TMEM135: variants seen among roughly 807,000 people sequenced by gnomAD.
TMEM135 encodes transmembrane protein 135, also known as peroxisomal membrane protein 52.
Under a neutral mutation model 60.3 loss-of-function variants are expected in TMEM135, and 30 were observed. The ratio of observed to expected loss-of-function variants is 0.50; its 90% CI spans 0.37 to 0.68. The LOEUF is 0.68. Ranked by LOEUF, TMEM135 falls within the 30% of genes least tolerant of loss-of-function variation. The pLI is 0.00. For missense variants in TMEM135, 468 were observed against 548.8 expected (o/e 0.85, Z 1.47); for synonymous variants, 190 against 186.7 (o/e 1.02, Z -0.14).
intron 5 of TMEM135, among the ~76,000 whole-genome samples, chr11:87,207,974 T>C (rs1940276018): frequency 6.6e-6 from 1 of 152,134 alleles, no homozygotes; most frequent in South Asian, 2.1e-4. Flanking sequence ...AGCTCAGCCT[T>C]GCCCCCTAAA....
chr11:87,202,988 A>C (rs1228571021), intron 5 of TMEM135, among the ~76,000 whole-genome samples: 1 of 141,512 alleles, frequency 7.1e-6, no homozygotes, highest in Non-Finnish European at 1.5e-5. Flanking sequence ...AGCCGAGATC[A>C]TGCCACTGCA....
intron 5 of TMEM135, among the ~76,000 whole-genome samples, chr11:87,205,242 T>C (rs1040778389): frequency 6.6e-6 from 1 of 152,178 alleles, no homozygotes; most frequent in Non-Finnish European, 1.5e-5. Flanking sequence ...GATTGAAACA[T>C]ACGGTTGTTT....
At chr11:87,066,973 G>T (rs1279606147) in intron 1 of TMEM135, among the ~76,000 whole-genome samples, 1 of 151,090 alleles carries the variant, frequency 6.6e-6, no homozygotes, top group Admixed American at 6.6e-5. Context: ...GGAGAGACAA[G>T]GTTTCACCAT....
chr11:87,157,945 A>G (rs1938746638), intron 5 of TMEM135: 1 of 152,888 alleles, frequency 6.5e-6, no homozygotes, highest in South Asian at 2.1e-4. Context: ...TTTCATGTTA[A>G]AATTATTACC....
chr11:87,113,896 A>G (rs1297786855), intron 4 of TMEM135, among the ~76,000 whole-genome samples: 1 of 152,104 alleles, frequency 6.6e-6, no homozygotes, highest in Non-Finnish European at 1.5e-5. Context: ...TGTGAAAAAT[A>G]ATACATATAA....
At chr11:87,213,804 G>T (rs1293569913) in intron 5 of TMEM135, among the ~76,000 whole-genome samples, 1 of 152,204 alleles carries the variant, frequency 6.6e-6, no homozygotes, top group Non-Finnish European at 1.5e-5. Flanking sequence ...AAGGTCATTT[G>T]TGGACACATT....
At position 87,306,012 on chromosome 11, in the gene TMEM135, A is replaced by G. The variant is rs750221483; in HGVS notation, c.768+7A>G. 6 of 1,557,202 alleles carry G rather than the reference A, an allele frequency of 3.9e-6. No homozygotes were observed. The East Asian group carries it at 6.8e-5, about 18-fold the overall frequency. ...CATCTCTTATTGCATTAAAGTAAGT[A>G]TATGAAAGTATGTACTTTATTAACA... On this transcript the variant is annotated splice_region_variant and intron_variant, in intron 9 of 14. Transcript: ENST00000305494.
intron 6 of TMEM135, among the ~76,000 whole-genome samples, chr11:87,248,885 A>G (rs1341236443): frequency 3.9e-5 from 6 of 152,112 alleles, no homozygotes; most frequent in Non-Finnish European, 7.4e-5. Context: ...AAATGGGATT[A>G]CTTTCTTGAT....
intron 5 of TMEM135, among the ~76,000 whole-genome samples, chr11:87,197,184 G>C (rs1164496192): frequency 6.6e-6 from 1 of 152,080 alleles, no homozygotes. Flanking sequence ...CTAAGGCTAA[G>C]ATGCTCCTTT....
chr11:87,075,904 C>CTG (rs370407712), intron 3 of TMEM135, among the ~76,000 whole-genome samples: 2 of 150,344 alleles, frequency 1.3e-5, no homozygotes, highest in African/African-American at 4.9e-5. Context: ...CTCTCTCTCT[C>CTG]TGTGTGCTGA....
At chr11:87,042,572 TTCTGCTTCTAAG>T (rs1202506140) in intron 1 of TMEM135, among the ~76,000 whole-genome samples, 2 of 152,134 alleles carry the variant, frequency 1.3e-5, no homozygotes, top group Non-Finnish European at 2.9e-5. Context: ...AGAAAAAAAC[TTCTGCTTCTAAG>T]GCTGCTTCTG....
intron 5 of TMEM135, among the ~76,000 whole-genome samples, chr11:87,182,963 A>G (rs1047809200): frequency 2.0e-5 from 3 of 151,964 alleles, no homozygotes; most frequent in Non-Finnish European, 1.5e-5. Context: ...TATGCATATA[A>G]TCTGTTAGGA....
chr11:87,240,832 T>A (rs911996284), intron 6 of TMEM135, among the ~76,000 whole-genome samples: 2 of 152,144 alleles, frequency 1.3e-5, no homozygotes, highest in African/African-American at 4.8e-5. Context: ...TAGAAATTCT[T>A]TCCACATCCC....
intron 4 of TMEM135, among the ~76,000 whole-genome samples, chr11:87,141,541 T>C (rs940497985): frequency 1.2e-4 from 19 of 152,182 alleles, no homozygotes; most frequent in African/African-American, 4.6e-4. Flanking sequence ...GTTTTATTGC[T>C]TCTTTCCCAG....
intron 3 of TMEM135, among the ~76,000 whole-genome samples, chr11:87,083,687 C>T (rs1055295323): frequency 2.0e-5 from 3 of 152,080 alleles, no homozygotes; most frequent in African/African-American, 4.8e-5. Context: ...ACTTTGTAGC[C>T]TTCTGTAAAG....
intron 6 of TMEM135, among the ~76,000 whole-genome samples, chr11:87,287,504 C>T (rs1942188280): frequency 6.6e-6 from 1 of 152,066 alleles, no homozygotes; most frequent in African/African-American, 2.4e-5. Flanking sequence ...TGGTGAAACC[C>T]CGTCTCTACT....
At chr11:87,147,365 A>G (rs948322283) in intron 4 of TMEM135, among the ~76,000 whole-genome samples, 2 of 152,164 alleles carry the variant, frequency 1.3e-5, no homozygotes, top group Non-Finnish European at 2.9e-5. Context: ...TGTAACAAAA[A>G]TTGTTACTTC....
intron 6 of TMEM135, among the ~76,000 whole-genome samples, chr11:87,285,700 A>G (rs992878206): frequency 1.3e-5 from 2 of 152,236 alleles, no homozygotes; most frequent in African/African-American, 4.8e-5. Flanking sequence ...GCAAAGAGCG[A>G]AAGAACAAAG....
In TMEM135 at chr11:87,238,362, T is replaced by A. The variant is rs116397423; in HGVS notation, c.509+1678T>A. ...ATAAAAAATGATGATGTTACTGTAA[T>A]TATTCTTGTAAAGAGACAGCCAGGC... On this transcript the variant is annotated intron_variant, in intron 6 of 14. Transcript: ENST00000305494. 7.1e-3 allele frequency among the ~76,000 whole-genome samples: 1,073 copies of A among 152,148 alleles called. 19 individuals are homozygous for A. The highest frequency in any genetic ancestry group is 0.024 in the African/African-American group (1,003 of 41,540).
Sources: gnomAD v4.1 joint callset for allele counts (sites outside exome capture counted in the v4.1 genomes callset) on GRCh38, gnomAD v4.1.1 for gene constraint, MANE v1.5 for transcripts, NCBI Gene and HGNC (gene_info 2026-07-23, HGNC 2026-07-21) for gene names.